TMEM62: variants seen among roughly 807,000 people sequenced by gnomAD.
TMEM62 encodes the protein transmembrane protein 62.
In TMEM62, 41 loss-of-function variants were observed where a neutral mutation model predicts 70.4. The ratio of observed to expected loss-of-function variants is 0.58; its 90% CI spans 0.45 to 0.76. The LOEUF (loss-of-function observed/expected upper bound fraction) is 0.76, where lower values mean the gene tolerates loss of function less well. Ranked by LOEUF, TMEM62 falls within the 30% of genes least tolerant of loss-of-function variation. TMEM62 has a pLI of 0.00. For synonymous variants in TMEM62, 268 were observed against 291.0 expected, an observed-to-expected ratio of 0.92 and a Z score of 0.80; for missense variants, 688 against 788.5, an observed-to-expected ratio of 0.87 and a Z score of 1.53.
At chr15:43,163,108 T>C (rs191346573) in intron 10 of TMEM62, among the ~76,000 whole-genome samples, 15 of 152,044 alleles carry the variant, frequency 9.9e-5, no homozygotes, top group African/African-American at 3.6e-4. Flanking sequence ...CACTGTTAAA[T>C]TGTCTTTTAG....
At chr15:43,152,688 C>A (rs944029179) in intron 8 of TMEM62, among the ~76,000 whole-genome samples, 2 of 152,184 alleles carry the variant, frequency 1.3e-5, no homozygotes. Context: ...AACCACCATG[C>A]CTGGCCATGA....
In TMEM62 at chr15:43,151,962, T is replaced by A. The variant is rs776404503; in HGVS notation, c.1022+17T>A. 6.3e-7 allele frequency: 1 copy of A among 1,576,324 alleles called. No homozygotes were observed. The highest frequency in any genetic ancestry group is 2.3e-5 in the East Asian group (1 of 43,940). The stretch of plus-strand genomic sequence containing the variant: ...ACACATCAGGTATGTAGCAATTTTT[T>A]AGAATTTACTTTCAGTTTGATAATG... On this transcript the variant is annotated intron_variant, in intron 8 of 13. Coordinates refer to ENST00000260403, the MANE Select transcript of TMEM62 (RefSeq NM_024956.4).
intron 3 of TMEM62, among the ~76,000 whole-genome samples, chr15:43,136,700 C>T (rs1387356247): frequency 6.6e-6 from 1 of 151,888 alleles, no homozygotes; most frequent in Non-Finnish European, 1.5e-5. Context: ...AAATGATCTG[C>T]CCCTGCTCAG....
At chr15:43,151,387 C>A (rs1164415333) in intron 7 of TMEM62, among the ~76,000 whole-genome samples, 1 of 150,470 alleles carries the variant, frequency 6.6e-6, no homozygotes, top group African/African-American at 2.4e-5. Context: ...TTGTTCATAT[C>A]AACCATTTTA....
chr15:43,138,507 A>G (rs2035550527), intron 3 of TMEM62, 67 bp from the exon 4 acceptor site: 2 of 1,283,226 alleles, frequency 1.6e-6, no homozygotes, highest in Non-Finnish European at 2.2e-6. Context: ...CTTAGTCATT[A>G]AAGAAAATGT....
chr15:43,154,021 A>G (rs1019237692), intron 8 of TMEM62, among the ~76,000 whole-genome samples: 4 of 152,256 alleles, frequency 2.6e-5, no homozygotes, highest in African/African-American at 9.6e-5. Context: ...TTACCAAGCA[A>G]TATGAATGCC....
intron 11 of TMEM62, among the ~76,000 whole-genome samples, chr15:43,174,211 C>G (rs1345659334): frequency 6.6e-6 from 1 of 152,084 alleles, no homozygotes; most frequent in Non-Finnish European, 1.5e-5. Flanking sequence ...TTTCCCACAG[C>G]CCCCAGCACC....
chr15:43,171,243 T>G (rs1271508139), intron 11 of TMEM62, among the ~76,000 whole-genome samples: 2 of 151,366 alleles, frequency 1.3e-5, no homozygotes, highest in African/African-American at 4.9e-5. Context: ...GGCTGAGGCA[T>G]GAGAATTGCT....
At chr15:43,178,284 T>G (rs1323782656) in intron 11 of TMEM62, among the ~76,000 whole-genome samples, 1 of 151,966 alleles carries the variant, frequency 6.6e-6, no homozygotes, top group African/African-American at 2.4e-5. Context: ...TATATATATA[T>G]GTATATGTAC....
rs774307839 is a variant in TMEM62 at position 43,138,617 on chromosome 15, C to T, written c.474C>T (p.Tyr158=). The T allele has an allele frequency of 7.6e-6, 12 of 1,588,090 alleles. No individual in the cohort carries two copies. The highest frequency in any genetic ancestry group is 1.0e-5 in the Non-Finnish European group (12 of 1,162,186). Residue 158 remains tyrosine (Y), a splice_region_variant and synonymous_variant, in exon 4 of 14, where the codon TAC becomes TAT. Coordinates refer to ENST00000260403, the MANE Select transcript of TMEM62 (RefSeq NM_024956.4). ...GTCTGGACAGCATCAAGAATTATTA[C>T]AGGTACTGTAATAAACAGAAGACAG... The part of the protein sequence containing the change: ...IPSLDSIKNY[Y]RKYSAVRRDG...
At chr15:43,182,433 G>GTTTTC (rs915033603) in intron 13 of TMEM62, among the ~76,000 whole-genome samples, 13 of 150,594 alleles carry the variant, frequency 8.6e-5, no homozygotes, top group African/African-American at 1.7e-4. Flanking sequence ...GTTCATTTCA[G>GTTTTC]TTTTCTTTTC....
At chr15:43,173,728 T>C (rs1053991875) in intron 11 of TMEM62, among the ~76,000 whole-genome samples, 2 of 152,186 alleles carry the variant, frequency 1.3e-5, no homozygotes, top group African/African-American at 4.8e-5. Context: ...CTCTTGCTTA[T>C]CTGAATCCCT....
chr15:43,163,334 G>T (rs898070277), intron 10 of TMEM62, among the ~76,000 whole-genome samples: 2 of 152,146 alleles, frequency 1.3e-5, no homozygotes, highest in African/African-American at 4.8e-5. Flanking sequence ...TTACTTGTAT[G>T]ATTTTTTCAG....
At chr15:43,137,359 G>A (rs150499851) in intron 3 of TMEM62, among the ~76,000 whole-genome samples, 24 of 152,272 alleles carry the variant, frequency 1.6e-4, no homozygotes, top group African/African-American at 5.5e-4. Context: ...ATTCTGAGTG[G>A]TATAGAATTC....
In TMEM62 at chr15:43,161,014, A is replaced by G. The variant is rs533784407; in HGVS notation, c.1296+220A>G. ...GTTATAATTGTTCTATTTTATTATT[A>G]TTGTTGTCGATCTGCTGTGCCTAAT... On this transcript the variant is annotated intron_variant, in intron 10 of 13. Transcript: ENST00000260403. Among the ~76,000 whole-genome samples the G allele has an allele frequency of 1.8e-3, 275 of 152,164 alleles. 1 individual carries two copies. Among genetic ancestry groups the G allele is most frequent in the African/African-American group, 6.5e-3 (269 of 41,532 alleles).
intron 9 of TMEM62, 46 bp downstream of exon 9, chr15:43,154,877 C>T: frequency 6.8e-7 from 1 of 1,470,528 alleles, no homozygotes; most frequent in Non-Finnish European, 9.1e-7. Flanking sequence ...TAAGCTGTAG[C>T]CACAATGAAT....
At chr15:43,133,521 A>T (rs184073895), upstream of TMEM62, 79 of 302,562 alleles carry the variant, frequency 2.6e-4, no homozygotes, top group African/African-American at 1.6e-3. Context: ...GGCCACCGTC[A>T]TTGGTGTTCA....
chr15:43,153,692 A>G (rs931958623), intron 8 of TMEM62, among the ~76,000 whole-genome samples: 4 of 152,084 alleles, frequency 2.6e-5, no homozygotes, highest in Non-Finnish European at 5.9e-5. Context: ...GTGTGTATAT[A>G]CACACATATG....
At chr15:43,171,215 A>T (rs1426516989) in intron 11 of TMEM62, among the ~76,000 whole-genome samples, 6 of 152,080 alleles carry the variant, frequency 3.9e-5, no homozygotes. Context: ...ACACACCTGT[A>T]GTCCTAGCTA....
Sources: gnomAD v4.1 joint callset for allele counts (sites outside exome capture counted in the v4.1 genomes callset) on GRCh38, gnomAD v4.1.1 for gene constraint, MANE v1.5 for transcripts, NCBI Gene and HGNC (gene_info 2026-07-23, HGNC 2026-07-21) for gene names.